Variants in ZNF652 observed in about 807,000 individuals in gnomAD.
The protein encoded by ZNF652 is zinc finger protein 652.
A neutral mutation model predicts 45.2 loss-of-function variants in ZNF652; 16 were observed. The observed-to-expected ratio is 0.35, with a 90% confidence interval of 0.24 to 0.54. ZNF652 has a LOEUF of 0.54. Ranked by LOEUF, ZNF652 falls within the 20% of genes least tolerant of loss-of-function variation. The pLI is 0.91. For missense variants in ZNF652, 614 were observed against 765.6 expected, an observed-to-expected ratio of 0.80 and a Z score of 2.34; for synonymous variants, 250 against 260.6, an observed-to-expected ratio of 0.96 and a Z score of 0.39.
chr17:49,320,071 T>C (rs1401643661), intron 1 of ZNF652, among the ~76,000 whole-genome samples: 1 of 152,124 alleles, frequency 6.6e-6, no homozygotes, highest in Non-Finnish European at 1.5e-5. Context: ...ATTTCAGATA[T>C]TACCTTGTCT....
chr17:49,346,652 C>T (rs1040043030), intron 1 of ZNF652, among the ~76,000 whole-genome samples: 9 of 152,108 alleles, frequency 5.9e-5, no homozygotes, highest in Non-Finnish European at 1.3e-4. Context: ...ACATTCTTCT[C>T]ATTTTGATAT....
chr17:49,303,038 A>G (rs2069575872), intron 5 of ZNF652, among the ~76,000 whole-genome samples: 1 of 151,810 alleles, frequency 6.6e-6, no homozygotes, highest in Non-Finnish European at 1.5e-5. Flanking sequence ...GGAAAGAAAT[A>G]CAACAGGCCA....
chr17:49,341,823 G>A (rs1488888945), intron 1 of ZNF652, among the ~76,000 whole-genome samples: 2 of 152,082 alleles, frequency 1.3e-5, no homozygotes, highest in Non-Finnish European at 2.9e-5. Flanking sequence ...TCAGAACTAA[G>A]AAAATCTACA....
chr17:49,335,949 T>C (rs1261912951), intron 1 of ZNF652, among the ~76,000 whole-genome samples: 1 of 152,164 alleles, frequency 6.6e-6, no homozygotes, highest in Admixed American at 6.5e-5. Flanking sequence ...TCAGAAAGCA[T>C]TTAAGGCAAT....
At chr17:49,340,549 C>CAAAAAAA (rs1040246588) in intron 1 of ZNF652, among the ~76,000 whole-genome samples, 4 of 50,078 alleles carry the variant, frequency 8.0e-5, no homozygotes, top group African/African-American at 1.3e-4. Flanking sequence ...GACTCTGTCT[C>CAAAAAAA]AAAAAAAAAA....
chr17:49,311,255 G>A, intron 5 of ZNF652, 57 bp downstream of exon 5: 1 of 1,552,268 alleles, frequency 6.4e-7, no homozygotes, highest in Non-Finnish European at 8.8e-7. Flanking sequence ...CAGACCCACA[G>A]ATGATCATCA....
chr17:49,361,485 G>C (rs2070393246), intron 1 of ZNF652, among the ~76,000 whole-genome samples: 1 of 152,210 alleles, frequency 6.6e-6, no homozygotes, highest in South Asian at 2.1e-4. Context: ...TGGAGGTTTG[G>C]GTGCAACCGC....
chr17:49,304,641 A>G lies in ZNF652; in HGVS notation c.1310-5717T>C, dbSNP rs530222761. On this transcript the variant is annotated intron_variant, in intron 5 of 5. Transcript: ENST00000430262. ...ACTGGAAAAGCATGTATATTAATAT[A>G]TCTAACTATATCACCTAACTGTTAC... Among the ~76,000 whole-genome samples, 202 of 152,338 alleles carry G rather than the reference A, an allele frequency of 1.3e-3. 5 individuals are homozygous for G. In the South Asian group the frequency reaches 0.03, roughly 23 times the overall value.
intron 1 of ZNF652, among the ~76,000 whole-genome samples, chr17:49,360,477 T>C (rs1037931320): frequency 6.6e-6 from 1 of 152,126 alleles, no homozygotes; most frequent in African/African-American, 2.4e-5. Context: ...TAAAACTTAG[T>C]GAACAGTTTA....
intron 4 of ZNF652, among the ~76,000 whole-genome samples, chr17:49,311,696 T>G (rs998841675): frequency 6.6e-6 from 1 of 152,210 alleles, no homozygotes; most frequent in African/African-American, 2.4e-5. Context: ...GAAAAATAAG[T>G]CATTATGTGT....
At chr17:49,323,986 T>C (rs1056113702) in intron 1 of ZNF652, among the ~76,000 whole-genome samples, 1 of 152,162 alleles carries the variant, frequency 6.6e-6, no homozygotes, top group Non-Finnish European at 1.5e-5. Flanking sequence ...ACCAGCTACA[T>C]TAGCCCCTAG....
chr17:49,315,840 T>C (rs889093932), intron 2 of ZNF652, among the ~76,000 whole-genome samples: 10 of 152,222 alleles, frequency 6.6e-5, no homozygotes, highest in African/African-American at 2.4e-4. Flanking sequence ...GCAATTTCCA[T>C]TTTTTAAAAC....
intron 1 of ZNF652, chr17:49,361,359 G>C (rs1801109849): frequency 6.6e-6 from 1 of 152,448 alleles, no homozygotes; most frequent in South Asian, 2.1e-4. Flanking sequence ...TGGAGGGGAG[G>C]AGGAGGTGGG....
At chr17:49,333,937 T>C (rs2143857916) in intron 1 of ZNF652, among the ~76,000 whole-genome samples, 1 of 151,862 alleles carries the variant, frequency 6.6e-6, no homozygotes, top group South Asian at 2.1e-4. Context: ...GGTAGGAATA[T>C]AAAATGGTAC....
chr17:49,350,724 C>G (rs2070261922), intron 1 of ZNF652, among the ~76,000 whole-genome samples: 1 of 151,222 alleles, frequency 6.6e-6, no homozygotes, highest in Non-Finnish European at 1.5e-5. Context: ...AATCCCAGCA[C>G]TTTGGGAGGC....
chr17:49,336,831 T>C (rs754283088), intron 1 of ZNF652, among the ~76,000 whole-genome samples: 2 of 151,614 alleles, frequency 1.3e-5, no homozygotes, highest in African/African-American at 2.4e-5. Flanking sequence ...AGTTTCATCA[T>C]GTTGGATCAC....
At chr17:49,360,495 T>C (rs1445833262) in intron 1 of ZNF652, among the ~76,000 whole-genome samples, 1 of 152,136 alleles carries the variant, frequency 6.6e-6, no homozygotes, top group Non-Finnish European at 1.5e-5. Flanking sequence ...TTAAACAAAA[T>C]TATACTAAAG....
chr17:49,351,499 A>G (rs1567700583), intron 1 of ZNF652, among the ~76,000 whole-genome samples: 1 of 152,292 alleles, frequency 6.6e-6, no homozygotes, highest in East Asian at 1.9e-4. Context: ...AATAACTGAC[A>G]TAGAAATATG....
Position 49,317,641 on chromosome 17 carries a change from G to T in ZNF652, c.85C>A (p.Arg29Ser), listed in dbSNP as rs146651680. 1.2e-6 allele frequency: 2 copies of T among 1,613,820 alleles called. No individual in the cohort carries two copies. The highest frequency in any genetic ancestry group is 2.2e-5 in the South Asian group (2 of 91,072). Reference sequence around the variant, plus strand: ...TAAAAGGAAGATGGCACTTGACCACGACGGCTATCTTCTTGTGCCATTCCT... The same window carrying T: ...TAAAAGGAAGATGGCACTTGACCACTACGGCTATCTTCTTGTGCCATTCCT... Reference protein sequence around the residue: ...VAGMAQEDSRRGQVPSSFYHG... With the variant: ...VAGMAQEDSRSGQVPSSFYHG... The change falls in exon 2 of 6, where the codon CGT becomes AGT. Residue 29 changes from arginine to serine, a missense_variant. This residue lies in a region of ZNF652 where 133 missense variants were observed against 132.2 expected (regional missense o/e 1.01). Transcript: ENST00000430262.
Sources: gnomAD v4.1 joint callset for allele counts (sites outside exome capture counted in the v4.1 genomes callset) on GRCh38, gnomAD v4.1.1 for gene constraint, gnomAD v4.1.1 regional missense constraint, MANE v1.5 for transcripts, NCBI Gene and HGNC (gene_info 2026-07-23, HGNC 2026-07-21) for gene names.